The following SHANK1 variants were observed in gnomAD, a reference collection of about 807,000 sequenced individuals.
SHANK1 encodes SH3 and multiple ankyrin repeat domains 1, also known as SH3 and multiple ankyrin repeat domains protein 1.
SHANK1 carries 35 observed loss-of-function variants against 165.6 expected under a neutral mutation model. The observed-to-expected ratio is 0.21, with a 90% CI of 0.16 to 0.28. The LOEUF (loss-of-function observed/expected upper bound fraction) is 0.28. Ranked by LOEUF, SHANK1 falls within the 10% of genes least tolerant of loss-of-function variation. SHANK1 has a pLI of 1.00. For synonymous variants in SHANK1, 1,428 were observed against 1,384.8 expected (o/e 1.03, Z -0.69); for missense variants, 2,681 against 3,036.4 (o/e 0.88, Z 2.75).
At position 50,697,469 on chromosome 19, in the gene SHANK1, TCAA is replaced by T; in HGVS notation, c.1937+117_1937+119del. 1 of 915,622 alleles carries T rather than the reference TCAA, an allele frequency of 1.1e-6. No individual in the cohort carries two copies. Among genetic ancestry groups the T allele is most frequent in the South Asian group, 1.4e-5 (1 of 72,576 alleles). The allele number at this position is 915,622 out of a possible 1,614,324, so 56.7% of individuals were successfully genotyped here. A position where few individuals can be genotyped will look rare whatever the true frequency, so the allele number is the denominator to read the frequency against. On this transcript the variant is annotated intron_variant, in intron 14 of 23. Coordinates refer to ENST00000293441, the MANE Select transcript of SHANK1 (RefSeq NM_016148.5). This position sits in a 1 kb window ranked among gnomAD's most constrained non-coding sequence, Gnocchi z 4.7. ...AATTCTGGCTTATCCCACCCCTGGA[TCAA>T]ACTTGAGAAGGAACAGATTAGAAAG...
At chr19:50,694,327 G>A (rs549101571) in intron 15 of SHANK1, among the ~76,000 whole-genome samples, 2 of 151,172 alleles carry the variant, frequency 1.3e-5, no homozygotes, top group Non-Finnish European at 3.0e-5. Context: ...GGCGGGATGC[G>A]TGTGTGATGG....
Position 50,668,305 on chromosome 19 carries a change from A to G in SHANK1, c.3655T>C (p.Ser1219Pro). 1 of 1,281,456 alleles carries G rather than the reference A, an allele frequency of 7.8e-7. No individual in the cohort carries two copies. Among genetic ancestry groups the G allele is most frequent in the Non-Finnish European group, 9.8e-7 (1 of 1,017,484 alleles). 79.4% of individuals were successfully genotyped at this position (1,281,456 alleles called of 1,614,324 possible). The change falls in exon 23 of 24, where the codon TCG becomes CCG. Residue 1219 changes from serine (S) to proline (P), a missense_variant. Ser to Pro is a moderately conservative substitution (Grantham distance 74). Transcript: ENST00000293441. ...PSPSPVPTPASPSGPATLDFT... is the reference protein window; with the variant it reads ...PSPSPVPTPAPPSGPATLDFT... ...TCCAGCGTGGCCGGGCCGCTGGGCG[A>G]GGCGGGGGTGGGCACGGGCGAGGGG...
intron 1 of SHANK1, 149 bp downstream of exon 1, chr19:50,719,257 G>A (rs2089106059): frequency 6.6e-6 from 1 of 151,938 alleles, no homozygotes; most frequent in African/African-American, 2.4e-5. Flanking sequence ...TGTCGCCCAG[G>A]GCAACGCTCC....
intron 23 of SHANK1, among the ~76,000 whole-genome samples, chr19:50,665,737 T>TAAA (rs71182756): frequency 0.17 from 16,940 of 98,010 alleles, 2,884 homozygotes; most frequent in African/African-American, 0.35. Flanking sequence ...ACCCTGTTTC[T>TAAA]AAAAAAAAAA....
At chr19:50,687,011 A>G (rs770822567) in intron 19 of SHANK1, 199 bp from the exon 20 acceptor site, 2 of 1,482,434 alleles carry the variant, frequency 1.3e-6, no homozygotes, top group Non-Finnish European at 1.8e-6. Context: ...TCCTGTGCCC[A>G]CTCACCACTC....
Position 50,686,182 on chromosome 19 carries a change from T to G in SHANK1, c.2577+55A>C, listed in dbSNP as rs1161826098. ...GTTTTGGAAAGAGAAAGGCTCCAGGTTGGTGTGTGAACCGCCTCCCCCCTG... is the reference window on the plus strand; with the variant it reads ...GTTTTGGAAAGAGAAAGGCTCCAGGGTGGTGTGTGAACCGCCTCCCCCCTG... On this transcript the variant is annotated intron_variant, in intron 21 of 23. Coordinates refer to ENST00000293441, the MANE Select transcript of SHANK1 (RefSeq NM_016148.5). The surrounding 1 kb of genome is among the most constrained non-coding windows in gnomAD (Gnocchi z 5.7). 3 of 1,019,666 alleles carry G rather than the reference T, an allele frequency of 2.9e-6. No individual in the cohort carries two copies. The highest frequency in any genetic ancestry group is 4.4e-6 in the Non-Finnish European group (3 of 678,548). 63.2% of individuals were successfully genotyped at this position (1,019,666 alleles called of 1,614,324 possible). A position where few individuals can be genotyped will look rare whatever the true frequency, so the allele number is the denominator to read the frequency against.
Position 50,661,781 on chromosome 19 carries a change from G to A in SHANK1, c.*184C>T. 1.6e-6 allele frequency: 1 copy of A among 624,678 alleles called. No individual in the cohort carries two copies. Among genetic ancestry groups the A allele is most frequent in the Non-Finnish European group, 2.8e-6 (1 of 356,544 alleles). The allele number at this position is 624,678 out of a possible 1,614,324, so 38.7% of individuals were successfully genotyped here. ...CTCTTGTGTCAGCTGCCCCCCTTCAGTGAGGTGCAAATGTCCGGCCTGGAT... is the reference window on the plus strand; with the variant it reads ...CTCTTGTGTCAGCTGCCCCCCTTCAATGAGGTGCAAATGTCCGGCCTGGAT... On this transcript the variant is annotated 3_prime_UTR_variant, in exon 24 of 24. Transcript: ENST00000293441.
intron 15 of SHANK1, 100 bp from the exon 16 acceptor site, chr19:50,689,379 C>A: frequency 1.2e-6 from 1 of 861,404 alleles, no homozygotes; most frequent in Non-Finnish European, 2.0e-6. Flanking sequence ...AGACCCAAAC[C>A]TCTGCTCCAG....
In SHANK1 at chr19:50,666,600, A is replaced by G; in HGVS notation, c.5360T>C (p.Val1787Ala). The change falls in exon 23 of 24, where the codon GTC (valine) becomes GCC (alanine). Residue 1787 changes from valine (V) to alanine (A), a missense_variant. Around this residue, in one of 10 missense-constraint regions of SHANK1, gnomAD observed 1,713 missense variants for 1,630.2 expected, o/e 1.05. Transcript: ENST00000293441. ...ATCGGTTCCAGCCCCTGTCACCGAG[A>G]CGGTGGGGCTGGTGGGGGTAACAGG... Reference protein sequence around the residue: ...RDPVTPTSPTVSVTGAGTDGL... With the variant: ...RDPVTPTSPTASVTGAGTDGL... 6.2e-7 allele frequency: 1 copy of G among 1,601,492 alleles called. No homozygotes were observed. The highest frequency in any genetic ancestry group is 1.3e-5 in the African/African-American group (1 of 74,950).
Position 50,718,158 on chromosome 19 carries a change from GT to G in SHANK1, c.-43-1197del, listed in dbSNP as rs2089090228. The stretch of plus-strand genomic sequence containing the variant: ...GGTTGGGAAAGGGAAGACTAAATGT[GT>G]GTGGTGGGAGGAGAGTTCCAGGAGG... On this transcript the variant is annotated intron_variant, in intron 1 of 23. Transcript: ENST00000293441. This position sits in a 1 kb window ranked among gnomAD's most constrained non-coding sequence, Gnocchi z 5.1. 6.6e-6 allele frequency among the ~76,000 whole-genome samples: 1 copy of G among 152,182 alleles called. No individual in the cohort carries two copies. Among genetic ancestry groups the G allele is most frequent in the Non-Finnish European group, 1.5e-5 (1 of 68,018 alleles).
chr19:50,665,369 A>G (rs1479907681), intron 23 of SHANK1, among the ~76,000 whole-genome samples: 3 of 152,000 alleles, frequency 2.0e-5, no homozygotes, highest in Non-Finnish European at 2.9e-5. Context: ...GTTCAAGACC[A>G]GCCTGGCCCA....
rs756873436 is a variant in SHANK1 at position 50,667,150 on chromosome 19, G to T, written c.4810C>A (p.Pro1604Thr). ...DTPAPATPLPPVPPPAVAAAP... is the reference protein window; with the variant it reads ...DTPAPATPLPTVPPPAVAAAP... ...GCGGCCACAGCCGGGGGTGGCACAG[G>T]GGGTAACGGGGTGGCAGGGGCAGGT... Residue 1604 changes from proline to threonine, a missense_variant, in exon 23 of 24, where the codon CCT becomes ACT. By Grantham distance (38) the Pro-to-Thr change is conservative. Transcript: ENST00000293441. The surrounding 1 kb of genome is among the most constrained non-coding windows in gnomAD (Gnocchi z 5.7). The T allele has an allele frequency of 5.1e-6, 8 of 1,556,260 alleles. No individual in the cohort carries two copies. Among genetic ancestry groups the T allele is most frequent in the Non-Finnish European group, 6.9e-6 (8 of 1,157,484 alleles).
rs1986934779 is a variant in SHANK1 at position 50,702,118 on chromosome 19, T to A, written c.1747+349A>T. On this transcript the variant is annotated intron_variant, in intron 12 of 23. Transcript: ENST00000293441. The surrounding 1 kb of genome is among the most constrained non-coding windows in gnomAD (Gnocchi z 5.3). ...AGGACCTTGGGCAAGTGGCTTCACC[T>A]GTGTGAGGTTCTGTTCCTTCAACCA... is the stretch of plus-strand genomic sequence containing the variant. Among the ~76,000 whole-genome samples the A allele has an allele frequency of 6.6e-6, 1 of 150,378 alleles. No homozygotes were observed.
chr19:50,703,944 G>T, intron 10 of SHANK1, 114 bp from the exon 11 acceptor site: 1 of 740,552 alleles, frequency 1.4e-6, no homozygotes, highest in Admixed American at 2.6e-5. Context: ...AGACAGAGAT[G>T]AGAAAGGGAG....
Position 50,668,787 on chromosome 19 carries a change from G to A in SHANK1, c.3173C>T (p.Thr1058Ile). 3 of 1,270,580 alleles carry A rather than the reference G, an allele frequency of 2.4e-6. No homozygotes were observed. The highest frequency in any genetic ancestry group is 3.0e-6 in the Non-Finnish European group (3 of 1,014,000). The allele number at this position is 1,270,580 out of a possible 1,614,324, so 78.7% of individuals were successfully genotyped here. ...GTGCGATGGGGACGGGGCCCCCGGG[G>A]TCGGGCTGGGCCCGCCGCCCCTCCA... The part of the protein sequence containing the change: ...RGWRGGGPSP[T>I]PGAPSPSHHG... Residue 1058 changes from threonine to isoleucine, a missense_variant, in exon 23 of 24, where the codon ACC becomes ATC. Thr to Ile is a moderately conservative substitution (Grantham distance 89). Around this residue, in one of 10 missense-constraint regions of SHANK1, gnomAD observed 1,713 missense variants for 1,630.2 expected, o/e 1.05. Coordinates refer to ENST00000293441, the MANE Select transcript of SHANK1 (RefSeq NM_016148.5).
Position 50,667,132 on chromosome 19 carries a change from C to T in SHANK1, c.4828G>A (p.Val1610Met). 1 of 1,552,988 alleles carries T rather than the reference C, an allele frequency of 6.4e-7. No individual in the cohort carries two copies. Among genetic ancestry groups the T allele is most frequent in the Non-Finnish European group, 8.7e-7 (1 of 1,155,774 alleles). ...TPLPPVPPPA[V>M]AAAPPTLDST... ...TCCAGGGTGGGAGGGGCTGCGGCCA[C>T]AGCCGGGGGTGGCACAGGGGGTAAC... The change falls in exon 23 of 24, where the codon GTG becomes ATG. Residue 1610 changes from valine (V) to methionine (M), a missense_variant. Around this residue, in one of 10 missense-constraint regions of SHANK1, gnomAD observed 1,713 missense variants for 1,630.2 expected, o/e 1.05. Coordinates refer to ENST00000293441, the MANE Select transcript of SHANK1 (RefSeq NM_016148.5). This position sits in a 1 kb window ranked among gnomAD's most constrained non-coding sequence, Gnocchi z 5.7.
rs1345355795 is a variant in SHANK1, at chr19:50,667,201, C to T, written c.4759G>A (p.Gly1587Arg). 6 of 1,575,784 alleles carry T rather than the reference C, an allele frequency of 3.8e-6. No individual in the cohort carries two copies. Among genetic ancestry groups the T allele is most frequent in the East Asian group, 2.3e-5 (1 of 43,980 alleles). Reference protein sequence around the residue: ...FEKPESPLTPGPPHPLPDTPA... With the variant: ...FEKPESPLTPRPPHPLPDTPA... The stretch of plus-strand genomic sequence containing the variant: ...GTGTCGGGCAGCGGGTGGGGAGGCC[C>T]AGGCGTGAGGGGCGACTCTGGCTTT... Residue 1587 changes from glycine to arginine, a missense_variant, in exon 23 of 24, where the codon GGG (glycine) becomes AGG (arginine). Around this residue, in one of 10 missense-constraint regions of SHANK1, gnomAD observed 1,713 missense variants for 1,630.2 expected, o/e 1.05. Coordinates refer to ENST00000293441, the MANE Select transcript of SHANK1 (RefSeq NM_016148.5). The surrounding 1 kb of genome is among the most constrained non-coding windows in gnomAD (Gnocchi z 5.7).
In SHANK1 at chr19:50,712,261, C is replaced by T. The variant is rs996688002; in HGVS notation, c.793-147G>A. 11 of 797,920 alleles carry T rather than the reference C, an allele frequency of 1.4e-5. No homozygotes were observed. The Admixed American group carries it at 3.4e-4, about 25-fold the overall frequency. The allele number at this position is 797,920 out of a possible 1,614,324, so 49.4% of individuals were successfully genotyped here. A position where few individuals can be genotyped will look rare whatever the true frequency, so the allele number is the denominator to read the frequency against. Reference sequence around the variant, plus strand: ...TCAGTTCTGCCGTGATGCCCTTGTGCAACCTTGAGCCTGGCCCTTTCCCTC... The same window carrying T: ...TCAGTTCTGCCGTGATGCCCTTGTGTAACCTTGAGCCTGGCCCTTTCCCTC... On this transcript the variant is annotated intron_variant, in intron 6 of 23. Transcript: ENST00000293441.
rs577193993 is a variant in SHANK1 at position 50,717,247 on chromosome 19, C to T, written c.-43-285G>A. ...GCGCCCCACTTTGCTGGTGACCCAG[C>T]GTGGCCGTGTCCCAGAAACCGCAGA... On this transcript the variant is annotated intron_variant, in intron 1 of 23. Coordinates refer to ENST00000293441, the MANE Select transcript of SHANK1 (RefSeq NM_016148.5). The surrounding 1 kb of genome is among the most constrained non-coding windows in gnomAD (Gnocchi z 5.5). Among the ~76,000 whole-genome samples, 10 of 152,336 alleles carry T rather than the reference C, an allele frequency of 6.6e-5. No homozygotes were observed. In the South Asian group the frequency reaches 1.4e-3, roughly 22 times the overall value.
Sources: gnomAD v4.1 joint callset for allele counts (sites outside exome capture counted in the v4.1 genomes callset) on GRCh38, gnomAD v4.1.1 for gene constraint, gnomAD v4.1.1 regional missense constraint, Gnocchi (gnomAD v3.1) non-coding constraint, MANE v1.5 for transcripts, NCBI Gene and HGNC (gene_info 2026-07-23, HGNC 2026-07-21) for gene names.